SPTBN2: variants seen among roughly 807,000 people sequenced by gnomAD.
SPTBN2 encodes spectrin beta, non-erythrocytic 2, also known as spectrin beta chain, non-erythrocytic 2.
In SPTBN2, 107 loss-of-function variants were observed where a neutral mutation model predicts 284.2. The ratio of observed to expected loss-of-function variants is 0.38; its 90% CI spans 0.32 to 0.44. The LOEUF is 0.44. Among genes scored for constraint, SPTBN2 ranks in the 20% least tolerant of loss-of-function variants. The pLI is 1.00. For synonymous variants in SPTBN2, 1,289 were observed against 1,354.8 expected, an observed-to-expected ratio of 0.95 and a Z score of 1.07; for missense variants, 2,569 against 3,287.1, an observed-to-expected ratio of 0.78 and a Z score of 5.34.
At position 66,684,571 on chromosome 11, in the gene SPTBN2, G is replaced by C. The variant is rs749546612; in HGVS notation, c.*1300C>G. Among the ~76,000 whole-genome samples the C allele has an allele frequency of 6.6e-5, 10 of 150,930 alleles. No individual in the cohort carries two copies. The highest frequency in any genetic ancestry group is 1.5e-4 in the Non-Finnish European group (10 of 67,876). ...GATTGCTTGAACCCAGGAGGTGGAGGTTGCAATGGGCTGTGATTGCGCCAC... is the reference window on the plus strand; with the variant it reads ...GATTGCTTGAACCCAGGAGGTGGAGCTTGCAATGGGCTGTGATTGCGCCAC... On this transcript the variant is annotated 3_prime_UTR_variant, in exon 38 of 38. Transcript: ENST00000533211.
In SPTBN2 at chr11:66,701,655, G is replaced by A. The variant is rs144636685; in HGVS notation, c.2745C>T (p.Ala915=). 41 of 1,613,904 alleles carry A rather than the reference G, an allele frequency of 2.5e-5. No individual in the cohort carries two copies. Among genetic ancestry groups the A allele is most frequent in the Middle Eastern group, 1.6e-4 (1 of 6,084 alleles). Residue 915 remains alanine, a synonymous_variant, in exon 16 of 38, where the codon GCC becomes GCT. Coordinates refer to ENST00000533211, the MANE Select transcript of SPTBN2 (RefSeq NM_006946.4). ...AAQITAVNDI[A]EQLLKANPPG... is the part of the protein sequence containing the mutation. ...GGGGGTTGGCCTTCAGTAACTGCTC[G>A]GCAATGTCATTCACCGCGGTGATTT...
At position 66,718,076 on chromosome 11, in the gene SPTBN2, C is replaced by T. The variant is rs1303993443; in HGVS notation, c.158-2095G>A. ...TCCCCTAACTGTCCTGGCCAGCGCTCCACCGCCAGATCCGGATCCACCTCA... is the reference window on the plus strand; with the variant it reads ...TCCCCTAACTGTCCTGGCCAGCGCTTCACCGCCAGATCCGGATCCACCTCA... On this transcript the variant is annotated intron_variant, in intron 3 of 37. Transcript: ENST00000533211. The surrounding 1 kb of genome is among the most constrained non-coding windows in gnomAD (Gnocchi z 4.8). Among the ~76,000 whole-genome samples, 1 of 152,146 alleles carries T rather than the reference C, an allele frequency of 6.6e-6. No individual in the cohort carries two copies. The highest frequency in any genetic ancestry group is 2.4e-5 in the African/African-American group (1 of 41,428).
chr11:66,734,541 C>T (rs1942839386), intron 1 of SPTBN2, among the ~76,000 whole-genome samples: 1 of 152,174 alleles, frequency 6.6e-6, no homozygotes. Context: ...CTTCCTCTTC[C>T]ATTCACCCAA....
intron 22 of SPTBN2, 43 bp downstream of exon 22, chr11:66,694,096 C>T: frequency 1.3e-6 from 2 of 1,597,244 alleles, no homozygotes; most frequent in South Asian, 2.2e-5. Context: ...TGGAGAACCA[C>T]ATGGCTGGGG....
chr11:66,735,634 C>T (rs893472242), intron 1 of SPTBN2, among the ~76,000 whole-genome samples: 1 of 152,098 alleles, frequency 6.6e-6, no homozygotes, highest in Non-Finnish European at 1.5e-5. Flanking sequence ...ATTGCTTGAG[C>T]CTGGGAGGTC....
At chr11:66,686,200 G>T in intron 37 of SPTBN2, 96 bp from the exon 38 acceptor site, 2 of 1,425,968 alleles carry the variant, frequency 1.4e-6, no homozygotes, top group Non-Finnish European at 2.0e-6. Flanking sequence ...GGCAGAAAGT[G>T]AGCTGACTGT....
intron 36 of SPTBN2, 59 bp downstream of exon 36, chr11:66,686,935 C>G: frequency 6.2e-7 from 1 of 1,607,464 alleles, no homozygotes. Context: ...TGACTCATGG[C>G]TCACCTGTGT....
chr11:66,734,741 C>T (rs572053995), intron 1 of SPTBN2, among the ~76,000 whole-genome samples: 107 of 152,084 alleles, frequency 7.0e-4, no homozygotes, highest in Admixed American at 3.4e-3. Context: ...AGTTGTATCC[C>T]CAGCAGAGCA....
At position 66,718,556 on chromosome 11, in the gene SPTBN2, T is replaced by C. The variant is rs77350871; in HGVS notation, c.157+2528A>G. On this transcript the variant is annotated intron_variant, in intron 3 of 37. Transcript: ENST00000533211. This position sits in a 1 kb window ranked among gnomAD's most constrained non-coding sequence, Gnocchi z 4.8. The stretch of plus-strand genomic sequence containing the variant: ...GTTGTGGGCCCCTTCCACAGCCTCA[T>C]AGTAAAACTCGCTGGCCTCATGCAG... Among the ~76,000 whole-genome samples, 1 of 152,324 alleles carries C rather than the reference T, an allele frequency of 6.6e-6. No homozygotes were observed. The highest frequency in any genetic ancestry group is 2.4e-5 in the African/African-American group (1 of 41,588).
At chr11:66,703,099 G>T (rs1316213377) in intron 15 of SPTBN2, among the ~76,000 whole-genome samples, 1 of 150,602 alleles carries the variant, frequency 6.6e-6, no homozygotes, top group African/African-American at 2.4e-5. Flanking sequence ...TTATTTTTTT[G>T]AGACAGGGTC....
Position 66,707,964 on chromosome 11 carries a change from T to A in SPTBN2, c.1351-146A>T. 7.3e-7 allele frequency: 1 copy of A among 1,377,232 alleles called. No individual in the cohort carries two copies. The highest frequency in any genetic ancestry group is 9.9e-7 in the Non-Finnish European group (1 of 1,005,954). The allele number at this position is 1,377,232 out of a possible 1,614,324, so 85.3% of individuals were successfully genotyped here. On this transcript the variant is annotated intron_variant, in intron 12 of 37. Transcript: ENST00000533211. The surrounding 1 kb of genome is among the most constrained non-coding windows in gnomAD (Gnocchi z 4.9). ...CTCTCTATCCCACCCCCATCCTGTC[T>A]CACCAACCCTCTCTCCTGTCCCACC...
At chr11:66,689,997 A>G (rs1387255590) in intron 28 of SPTBN2, 42 bp downstream of exon 28, 2 of 1,614,078 alleles carry the variant, frequency 1.2e-6, no homozygotes, top group Non-Finnish European at 1.7e-6. Flanking sequence ...ATCACAGCCC[A>G]GCCACACAAC....
chr11:66,713,877 A>G (rs1254682929), intron 7 of SPTBN2, 131 bp from the exon 8 acceptor site: 2 of 880,096 alleles, frequency 2.3e-6, no homozygotes, highest in African/African-American at 3.3e-5. Context: ...CCAAACCCAC[A>G]CTGCTGCTCA....
rs1019608189 is a variant in SPTBN2 at position 66,710,366 on chromosome 11, G to T, written c.1073+216C>A. On this transcript the variant is annotated intron_variant, in intron 10 of 37. Transcript: ENST00000533211. The surrounding 1 kb of genome is among the most constrained non-coding windows in gnomAD (Gnocchi z 4.9). ...CCCAAAGTGCTGGGATTACAGGCGT[G>T]AGCCACCATGCCCGGCCCACAGCAT... 1.3e-5 allele frequency among the ~76,000 whole-genome samples: 2 copies of T among 152,122 alleles called. No homozygotes were observed. The highest frequency in any genetic ancestry group is 2.4e-5 in the African/African-American group (1 of 41,434).
chr11:66,725,772 T>A (rs553697589), intron 1 of SPTBN2, among the ~76,000 whole-genome samples: 1 of 152,354 alleles, frequency 6.6e-6, no homozygotes, highest in African/African-American at 2.4e-5. Flanking sequence ...CTCCAGGCGC[T>A]GCTGGAGGCA....
At chr11:66,701,478 C>A in intron 16 of SPTBN2, 106 bp downstream of exon 16, 8 of 1,587,886 alleles carry the variant, frequency 5.0e-6, no homozygotes, top group Non-Finnish European at 6.0e-6. Context: ...TGGTTTGCTT[C>A]CTCCTTTGTA....
At position 66,710,902 on chromosome 11, in the gene SPTBN2, G is replaced by A. The variant is rs749702669; in HGVS notation, c.885+15C>T. ...GCCTCCTCTGGCCTTTATGCCTACT[G>A]CCCATGGACAGTACCTTGCCAATTC... is the stretch of plus-strand genomic sequence containing the variant. On this transcript the variant is annotated intron_variant, in intron 9 of 37. Transcript: ENST00000533211. The surrounding 1 kb of genome is among the most constrained non-coding windows in gnomAD (Gnocchi z 4.9). 5.6e-6 allele frequency: 9 copies of A among 1,613,232 alleles called. No homozygotes were observed. Among genetic ancestry groups the A allele is most frequent in the Non-Finnish European group, 7.6e-6 (9 of 1,179,318 alleles).
chr11:66,689,617 T>A (rs1351001999), intron 29 of SPTBN2, among the ~76,000 whole-genome samples, 188 bp downstream of exon 29: 1 of 152,090 alleles, frequency 6.6e-6, no homozygotes, highest in African/African-American at 2.4e-5. Context: ...GACCAGTGAT[T>A]TCTGATGTCA....
rs1255064291 is a variant in SPTBN2, at chr11:66,710,070, T to C, written c.1073+512A>G. Among the ~76,000 whole-genome samples the C allele has an allele frequency of 2.6e-5, 4 of 152,124 alleles. No homozygotes were observed. Among genetic ancestry groups the C allele is most frequent in the Non-Finnish European group, 5.9e-5 (4 of 68,020 alleles). Reference sequence around the variant, plus strand: ...TGTTTGTTTGTTTTTTGAGACGGAGTCTTGCTCTGTCACCCAGGTTGGAGT... The same window carrying C: ...TGTTTGTTTGTTTTTTGAGACGGAGCCTTGCTCTGTCACCCAGGTTGGAGT... On this transcript the variant is annotated intron_variant, in intron 10 of 37. Coordinates refer to ENST00000533211, the MANE Select transcript of SPTBN2 (RefSeq NM_006946.4). This position sits in a 1 kb window ranked among gnomAD's most constrained non-coding sequence, Gnocchi z 4.9.
Sources: allele counts gnomAD v4.1 joint callset (sites outside exome capture counted in the v4.1 genomes callset), GRCh38; gene constraint gnomAD v4.1.1; non-coding constraint Gnocchi (gnomAD v3.1); transcripts MANE v1.5; gene names NCBI Gene and HGNC (gene_info 2026-07-23, HGNC 2026-07-21).